FARP1: variants seen among roughly 807,000 people sequenced by gnomAD.
FARP1 encodes the protein FERM, ARH/RhoGEF and pleckstrin domain protein 1.
A neutral mutation model predicts 128.8 loss-of-function variants in FARP1; 52 were observed. The ratio of observed to expected loss-of-function variants is 0.40; its 90% CI spans 0.32 to 0.51. The LOEUF (loss-of-function observed/expected upper bound fraction) is 0.51, where lower values mean the gene tolerates loss of function less well. Among genes scored for constraint, FARP1 ranks in the 20% least tolerant of loss-of-function variants. The pLI is 0.45. For missense variants in FARP1, 1,333 were observed against 1,367.9 expected, an observed-to-expected ratio of 0.97 and a Z score of 0.40; for synonymous variants, 580 against 551.8, an observed-to-expected ratio of 1.05 and a Z score of -0.72.
chr13:98,214,494 G>T (rs1880941658), intron 2 of FARP1, among the ~76,000 whole-genome samples: 1 of 152,196 alleles, frequency 6.6e-6, no homozygotes, highest in African/African-American at 2.4e-5. Context: ...GATGATCTGT[G>T]TGTCATTCCT....
intron 17 of FARP1, among the ~76,000 whole-genome samples, chr13:98,430,364 G>C (rs1344430527): frequency 2.0e-5 from 3 of 152,186 alleles, no homozygotes; most frequent in Non-Finnish European, 2.9e-5. Context: ...TGTGTCCTGG[G>C]GTGTCCCCTG....
At chr13:98,242,111 A>G (rs906250809) in intron 2 of FARP1, among the ~76,000 whole-genome samples, 20 of 152,104 alleles carry the variant, frequency 1.3e-4, no homozygotes, top group African/African-American at 3.9e-4. Context: ...TCTTGCATTG[A>G]CAGGCTCTGC....
chr13:98,264,947 T>C lies in FARP1; in HGVS notation c.171+51534T>C, dbSNP rs75388403. Among the ~76,000 whole-genome samples, 195 of 152,342 alleles carry C rather than the reference T, an allele frequency of 1.3e-3. 6 individuals are homozygous for C. The East Asian group carries it at 0.036, about 28-fold the overall frequency. On this transcript the variant is annotated intron_variant, in intron 2 of 26. Transcript: ENST00000319562. ...CGCCACCTCTGTACCTCTGACATGG[T>C]TACCGAACCTTACAAACTGTATTCT...
At chr13:98,389,752 T>TG in intron 9 of FARP1, 1 of 498,416 alleles carries the variant, frequency 2.0e-6, no homozygotes, top group Non-Finnish European at 3.5e-6. Context: ...AGAGATTCTG[T>TG]GGGGAAGAAA....
At chr13:98,264,844 G>T (rs546164305) in intron 2 of FARP1, among the ~76,000 whole-genome samples, 17 of 152,250 alleles carry the variant, frequency 1.1e-4, no homozygotes, top group African/African-American at 4.1e-4. Context: ...CTATTCGATA[G>T]TAATCATTAT....
At chr13:98,200,391 C>CG (rs1277554973) in intron 1 of FARP1, among the ~76,000 whole-genome samples, 7 of 137,282 alleles carry the variant, frequency 5.1e-5, no homozygotes, top group East Asian at 2.3e-4. Context: ...ACCTTCACCC[C>CG]CCCCCCCTCC....
intron 2 of FARP1, among the ~76,000 whole-genome samples, chr13:98,226,650 A>AT (rs1881790212): frequency 6.6e-6 from 1 of 152,164 alleles, no homozygotes; most frequent in Non-Finnish European, 1.5e-5. Context: ...TTGGAGCATA[A>AT]TGTAGTCTGG....
intron 2 of FARP1, among the ~76,000 whole-genome samples, chr13:98,327,962 A>G (rs1212896001): frequency 6.6e-6 from 1 of 152,158 alleles, no homozygotes; most frequent in Non-Finnish European, 1.5e-5. Flanking sequence ...ATATTCATGA[A>G]ACGAGAACCA....
chr13:98,423,524 T>C (rs1404073869), intron 16 of FARP1, among the ~76,000 whole-genome samples: 1 of 152,222 alleles, frequency 6.6e-6, no homozygotes, highest in East Asian at 1.9e-4. Flanking sequence ...TTGAAAACCA[T>C]GTTTTAATTG....
chr13:98,214,624 A>G (rs1880949288), intron 2 of FARP1, among the ~76,000 whole-genome samples: 2 of 152,240 alleles, frequency 1.3e-5, no homozygotes, highest in Admixed American at 1.3e-4. Flanking sequence ...CTCAGAGCAC[A>G]TGAACTAACA....
At chr13:98,210,927 T>C (rs1880666575) in intron 1 of FARP1, among the ~76,000 whole-genome samples, 1 of 152,202 alleles carries the variant, frequency 6.6e-6, no homozygotes, top group African/African-American at 2.4e-5. Flanking sequence ...GTAGATTTTA[T>C]AGCATCACCT....
intron 2 of FARP1, among the ~76,000 whole-genome samples, chr13:98,320,380 C>T (rs557786264): frequency 2.0e-5 from 3 of 152,260 alleles, no homozygotes; most frequent in East Asian, 1.9e-4. Flanking sequence ...CCAGTTTGCC[C>T]GTCACCACTT....
At chr13:98,377,785 T>G (rs1302921098) in intron 5 of FARP1, 36 bp from the exon 6 acceptor site, 1 of 1,545,318 alleles carries the variant, frequency 6.5e-7, no homozygotes, top group Admixed American at 1.7e-5. Context: ...CCTCCTGCCC[T>G]CTTTGCCTGA....
At chr13:98,242,246 C>A (rs760180081) in intron 2 of FARP1, among the ~76,000 whole-genome samples, 1 of 152,132 alleles carries the variant, frequency 6.6e-6, no homozygotes, top group Non-Finnish European at 1.5e-5. Flanking sequence ...CCCTCGAGGC[C>A]GTAGGGACCG....
At position 98,179,647 on chromosome 13, in the gene FARP1, G is replaced by A. The variant is rs567443198; in HGVS notation, c.-23-33573G>A. ...TGGGAGGCTGAGGCAGGTGGATCAC[G>A]AGGTCAGGAGATCGAGACCATCCTG... On this transcript the variant is annotated intron_variant, in intron 1 of 26. Coordinates refer to ENST00000319562, the MANE Select transcript of FARP1 (RefSeq NM_005766.4). 1.4e-4 allele frequency among the ~76,000 whole-genome samples: 21 copies of A among 152,112 alleles called. 1 individual carries two copies. In the South Asian group the frequency reaches 2.9e-3, roughly 21 times the overall value.
At chr13:98,268,628 C>T (rs767391008) in intron 2 of FARP1, among the ~76,000 whole-genome samples, 14 of 152,020 alleles carry the variant, frequency 9.2e-5, no homozygotes, top group East Asian at 1.9e-4. Context: ...CCAACACGCC[C>T]GGCTAATTTT....
At chr13:98,228,591 A>G (rs1263628105) in intron 2 of FARP1, among the ~76,000 whole-genome samples, 5 of 152,246 alleles carry the variant, frequency 3.3e-5, no homozygotes, top group African/African-American at 2.4e-5. Context: ...CATTTTATGG[A>G]TCTCGCCTTA....
At chr13:98,398,885 C>T (rs1482115532) in intron 13 of FARP1, 1 of 152,128 alleles carries the variant, frequency 6.6e-6, no homozygotes, top group Admixed American at 6.6e-5. Context: ...ACTTACACAG[C>T]GTATGACAGG....
intron 9 of FARP1, among the ~76,000 whole-genome samples, chr13:98,389,328 T>C (rs1890217849): frequency 6.6e-6 from 1 of 152,218 alleles, no homozygotes; most frequent in South Asian, 2.1e-4. Flanking sequence ...CTGCTGGGAA[T>C]GCTAAGGACA....
Sources: gnomAD v4.1 joint callset for allele counts (sites outside exome capture counted in the v4.1 genomes callset) on GRCh38, gnomAD v4.1.1 for gene constraint, MANE v1.5 for transcripts, NCBI Gene and HGNC (gene_info 2026-07-23, HGNC 2026-07-21) for gene names.